Variants in DSTYK observed in about 807,000 individuals in gnomAD.
The protein encoded by DSTYK is RIP-homologous kinase.
In DSTYK, 34 loss-of-function variants were observed where a neutral mutation model predicts 98.7. The observed-to-expected ratio is 0.34, with a 90% CI of 0.26 to 0.46. The LOEUF (loss-of-function observed/expected upper bound fraction) is 0.46, where lower values mean the gene tolerates loss of function less well. Among genes scored for constraint, DSTYK ranks in the 20% least tolerant of loss-of-function variants. The pLI is 1.00. For missense variants in DSTYK, 962 were observed against 1,181.7 expected (o/e 0.81, Z 2.73); for synonymous variants, 462 against 457.3 (o/e 1.01, Z -0.13).
chr1:205,167,110 G>C (rs1413659588), intron 3 of DSTYK, among the ~76,000 whole-genome samples: 1 of 152,190 alleles, frequency 6.6e-6, no homozygotes, highest in African/African-American at 2.4e-5. Context: ...GAAAATTAAA[G>C]CAGGGCTAGG....
At chr1:205,160,978 C>A (rs980049759) in intron 7 of DSTYK, among the ~76,000 whole-genome samples, 2 of 151,836 alleles carry the variant, frequency 1.3e-5, no homozygotes, top group Non-Finnish European at 2.9e-5. Flanking sequence ...CTTGCCATAT[C>A]GCCTAGGCTG....
At chr1:205,202,127 A>AGGGAAGGGAAG (rs1558626956) in intron 1 of DSTYK, 5 of 454,054 alleles carry the variant, frequency 1.1e-5, no homozygotes, top group Non-Finnish European at 2.2e-5. Context: ...GGGGAAGGGA[A>AGGGAAGGGAAG]GGGAAGGGGA....
Position 205,144,108 on chromosome 1 carries a change from G to A in DSTYK, c.*3450C>T, listed in dbSNP as rs1403354885. ...TTGCCATCAGCTCTCTAGGCACAGG[G>A]TCAGCCATTCCAGGGCCCCAGGCTC... is the stretch of plus-strand genomic sequence containing the variant. On this transcript the variant is annotated 3_prime_UTR_variant, in exon 13 of 13. Coordinates refer to ENST00000367162, the MANE Select transcript of DSTYK (RefSeq NM_015375.3). 6.6e-6 allele frequency: 1 copy of A among 152,442 alleles called. No homozygotes were observed. Among genetic ancestry groups the A allele is most frequent in the Non-Finnish European group, 1.5e-5 (1 of 68,056 alleles). The allele number at this position is 152,442 out of a possible 1,614,324, so 9.4% of individuals were successfully genotyped here.
At chr1:205,171,494 T>TTTGAGGA in intron 2 of DSTYK, among the ~76,000 whole-genome samples, 1 of 149,674 alleles carries the variant, frequency 6.7e-6, no homozygotes, top group Non-Finnish European at 1.5e-5. Flanking sequence ...AGGTTTGAGG[T>TTTGAGGA]TTAGAAACAA....
At chr1:205,179,729 T>C (rs1286718497) in intron 2 of DSTYK, among the ~76,000 whole-genome samples, 1 of 152,020 alleles carries the variant, frequency 6.6e-6, no homozygotes, top group Non-Finnish European at 1.5e-5. Flanking sequence ...GGCTTTGTTA[T>C]CAAACAAGAT....
chr1:205,201,857 CGA>C (rs1659050775), intron 1 of DSTYK, among the ~76,000 whole-genome samples: 1 of 152,056 alleles, frequency 6.6e-6, no homozygotes, highest in Non-Finnish European at 1.5e-5. Context: ...GTCAGGAATT[CGA>C]GACCAGCCTG....
intron 1 of DSTYK, among the ~76,000 whole-genome samples, chr1:205,204,908 G>C (rs549364893): frequency 1.2e-4 from 19 of 152,074 alleles, no homozygotes; most frequent in Non-Finnish European, 1.3e-4. Flanking sequence ...ATTCAAATAG[G>C]TTAAGTAACT....
Position 205,162,219 on chromosome 1 carries a change from G to A in DSTYK, c.1642-7C>T, listed in dbSNP as rs1574758075. Reference sequence around the variant, plus strand: ...ATGTGATGCGCTGGATGATCTACCAGGATGAAGACAGCGAGATCACCAAGG... The same window carrying A: ...ATGTGATGCGCTGGATGATCTACCAAGATGAAGACAGCGAGATCACCAAGG... On this transcript the variant is annotated splice_polypyrimidine_tract_variant and splice_region_variant and intron_variant, in intron 5 of 12. Coordinates refer to ENST00000367162, the MANE Select transcript of DSTYK (RefSeq NM_015375.3). 1 of 1,612,262 alleles carries A rather than the reference G, an allele frequency of 6.2e-7. No homozygotes were observed. The highest frequency in any genetic ancestry group is 1.1e-5 in the South Asian group (1 of 90,954).
At chr1:205,196,841 T>C (rs1346150736) in intron 1 of DSTYK, among the ~76,000 whole-genome samples, 1 of 145,132 alleles carries the variant, frequency 6.9e-6, no homozygotes, top group Non-Finnish European at 1.5e-5. Flanking sequence ...CTCAGCTCAC[T>C]GCAGCCTTCC....
chr1:205,161,963 G>C (rs1229318539), intron 6 of DSTYK, 73 bp downstream of exon 6: 3 of 1,474,288 alleles, frequency 2.0e-6, no homozygotes, highest in Admixed American at 2.0e-5. Flanking sequence ...GAAGAGCGGA[G>C]AGCGAAATAT....
chr1:205,206,811 G>A (rs563988921), intron 1 of DSTYK, among the ~76,000 whole-genome samples: 3 of 150,318 alleles, frequency 2.0e-5, no homozygotes, highest in African/African-American at 4.9e-5. Context: ...CAAGTGATCC[G>A]CCCTCCTTGG....
rs1042940416 is a variant in DSTYK, at chr1:205,160,567, C to T, written c.1949-297G>A. On this transcript the variant is annotated intron_variant, in intron 7 of 12. Coordinates refer to ENST00000367162, the MANE Select transcript of DSTYK (RefSeq NM_015375.3). ...CCCAGGGTGGTCCCGAACTCCTGGG[C>T]TCAAGTGATCCACCCACCGTGGCCT... Among the ~76,000 whole-genome samples, 9 of 152,142 alleles carry T rather than the reference C, an allele frequency of 5.9e-5. No homozygotes were observed. In the South Asian group the frequency reaches 1.5e-3, roughly 25 times the overall value.
intron 11 of DSTYK, among the ~76,000 whole-genome samples, chr1:205,148,903 G>GT (rs201437284): frequency 0.044 from 5,997 of 135,686 alleles, 389 homozygotes; most frequent in African/African-American, 0.14. Context: ...ATTAGAAAGT[G>GT]TTTTTTTTTT....
chr1:205,166,504 T>C (rs763759488), intron 3 of DSTYK, among the ~76,000 whole-genome samples: 19 of 151,748 alleles, frequency 1.3e-4, no homozygotes, highest in Non-Finnish European at 2.5e-4. Context: ...CCATAGAATA[T>C]GTGCTAGCTT....
intron 1 of DSTYK, among the ~76,000 whole-genome samples, chr1:205,207,735 AAT>A (rs1659246064): frequency 8.3e-6 from 1 of 120,324 alleles, no homozygotes; most frequent in South Asian, 3.0e-4. Context: ...CAGCCTGGGC[AAT>A]ACAGAGAGAC....
intron 1 of DSTYK, among the ~76,000 whole-genome samples, chr1:205,201,052 C>T (rs1221881505): frequency 6.6e-6 from 1 of 151,842 alleles, no homozygotes; most frequent in African/African-American, 2.4e-5. Flanking sequence ...ATTACAGGCA[C>T]GTGCCACCAT....
At chr1:205,152,070 CAGT>C (rs1260425682) in intron 10 of DSTYK, among the ~76,000 whole-genome samples, 1 of 152,168 alleles carries the variant, frequency 6.6e-6, no homozygotes, top group African/African-American at 2.4e-5. Flanking sequence ...ACTTTTATAT[CAGT>C]AGGTTTACAC....
intron 2 of DSTYK, among the ~76,000 whole-genome samples, chr1:205,179,482 G>T (rs549289330): frequency 4.0e-5 from 6 of 151,858 alleles, no homozygotes; most frequent in Non-Finnish European, 7.4e-5. Flanking sequence ...TTAGCCGGGC[G>T]TGGTGGTGGG....
At chr1:205,203,594 G>T (rs1659114052) in intron 1 of DSTYK, among the ~76,000 whole-genome samples, 1 of 124,656 alleles carries the variant, frequency 8.0e-6, no homozygotes, top group Non-Finnish European at 1.6e-5. Context: ...GGGAAGGGAG[G>T]GGGCAGAATT....
Sources: allele counts gnomAD v4.1 joint callset (sites outside exome capture counted in the v4.1 genomes callset), GRCh38; gene constraint gnomAD v4.1.1; transcripts MANE v1.5; gene names NCBI Gene and HGNC (gene_info 2026-07-23, HGNC 2026-07-21).